Variants in RBP5 observed in about 807,000 individuals in gnomAD.
RBP5 encodes retinol binding protein 5, also known as retinol-binding protein 5.
In RBP5, 12 loss-of-function variants were observed where a neutral mutation model predicts 17.8. The observed-to-expected ratio is 0.67, with a 90% CI of 0.43 to 1.09. The LOEUF (loss-of-function observed/expected upper bound fraction) is 1.09. RBP5 is among the 50% of genes least tolerant of loss of function. RBP5 has a pLI of 0.00. For synonymous variants in RBP5, 64 were observed against 68.1 expected (o/e 0.94, Z 0.30); for missense variants, 172 against 169.4 (o/e 1.02, Z -0.09).
At position 7,128,457 on chromosome 12, in the gene RBP5, G is replaced by A. The variant is rs746987373; in HGVS notation, c.74-39C>T. On this transcript the variant is annotated intron_variant, in intron 1 of 3. Coordinates refer to ENST00000266560, the MANE Select transcript of RBP5 (RefSeq NM_031491.4). The surrounding 1 kb of genome is among the most constrained non-coding windows in gnomAD (Gnocchi z 5.3). ...CTGTTAGTAGGGGTGCTGCTAGCCA[G>A]CCAGGAGCTCCTCTGCCTGCAGCAG... 1.5e-4 allele frequency: 245 copies of A among 1,602,518 alleles called. No homozygotes were observed. The highest frequency in any genetic ancestry group is 2.1e-4 in the Non-Finnish European group (241 of 1,171,438).
upstream of RBP5, chr12:7,128,923 C>A: frequency 1.4e-6 from 1 of 690,740 alleles, no homozygotes; most frequent in South Asian, 1.6e-5. This position sits in a 1 kb window ranked among gnomAD's most constrained non-coding sequence, Gnocchi z 5.3. Flanking sequence ...TTTTATAAGG[C>A]TGGGGCCCTG....
chr12:7,126,555 G>C (rs1275031079), intron 2 of RBP5, among the ~76,000 whole-genome samples: 2 of 149,890 alleles, frequency 1.3e-5, no homozygotes, highest in Non-Finnish European at 3.0e-5. Context: ...GTGTGTGTGT[G>C]TGTGCTGGGA....
At chr12:7,125,702 C>T (rs934638732) in intron 2 of RBP5, among the ~76,000 whole-genome samples, 18 of 152,198 alleles carry the variant, frequency 1.2e-4, no homozygotes, top group African/African-American at 4.3e-4. Flanking sequence ...AAAGAAACAG[C>T]TAGAAATAGC....
Position 7,128,477 on chromosome 12 carries a change from C to T in RBP5, c.74-59G>A. On this transcript the variant is annotated intron_variant, in intron 1 of 3. Transcript: ENST00000266560. This position sits in a 1 kb window ranked among gnomAD's most constrained non-coding sequence, Gnocchi z 5.3. ...AGCCAGCCAGGAGCTCCTCTGCCTG[C>T]AGCAGCCCCTCAGGGCTGTGAGTTT... The T allele has an allele frequency of 6.4e-7, 1 of 1,554,186 alleles. No homozygotes were observed. Among genetic ancestry groups the T allele is most frequent in the Non-Finnish European group, 8.9e-7 (1 of 1,129,896 alleles).
intron 2 of RBP5, among the ~76,000 whole-genome samples, chr12:7,126,847 C>T (rs1013791062): frequency 1.3e-5 from 2 of 152,100 alleles, no homozygotes; most frequent in Non-Finnish European, 1.5e-5. Context: ...GCTCTGTCAC[C>T]CAGACTAGAA....
intron 2 of RBP5, chr12:7,127,717 A>G (rs1446683440): frequency 1.4e-6 from 1 of 702,192 alleles, no homozygotes; most frequent in Non-Finnish European, 2.6e-6. Context: ...GGCAGCCTAT[A>G]GATGGAAGCA....
rs914439734 is a variant in RBP5, at chr12:7,124,178, G to C, written c.355-4C>G. ...CTGCATCCCTTGCAGTCAGTTCCTGGGGAGAGAGGGGAAGTGAGGGGGAGA... is the reference window on the plus strand; with the variant it reads ...CTGCATCCCTTGCAGTCAGTTCCTGCGGAGAGAGGGGAAGTGAGGGGGAGA... On this transcript the variant is annotated splice_region_variant and splice_polypyrimidine_tract_variant and intron_variant, in intron 3 of 3. Coordinates refer to ENST00000266560, the MANE Select transcript of RBP5 (RefSeq NM_031491.4). This position sits in a 1 kb window ranked among gnomAD's most constrained non-coding sequence, Gnocchi z 5.3. 3 of 1,613,904 alleles carry C rather than the reference G, an allele frequency of 1.9e-6. No individual in the cohort carries two copies. The highest frequency in any genetic ancestry group is 2.5e-6 in the Non-Finnish European group (3 of 1,179,988).
At chr12:7,129,745 G>T, upstream of RBP5, 5 of 985,624 alleles carry the variant, frequency 5.1e-6, no homozygotes, top group Non-Finnish European at 6.0e-6. The surrounding 1 kb of genome is among the most constrained non-coding windows in gnomAD (Gnocchi z 5.5). Flanking sequence ...AATCCACTGG[G>T]CTTGGTTCAT....
rs1013107287 is a variant in RBP5 at position 7,124,014 on chromosome 12, T to C, written c.*107A>G. 3 of 1,038,738 alleles carry C rather than the reference T, an allele frequency of 2.9e-6. No individual in the cohort carries two copies. The highest frequency in any genetic ancestry group is 4.5e-6 in the Non-Finnish European group (3 of 659,952). The allele number at this position is 1,038,738 out of a possible 1,614,324, so 64.3% of individuals were successfully genotyped here. A position where few individuals can be genotyped will look rare whatever the true frequency, so the allele number is the denominator to read the frequency against. On this transcript the variant is annotated 3_prime_UTR_variant, in exon 4 of 4. Transcript: ENST00000266560. The surrounding 1 kb of genome is among the most constrained non-coding windows in gnomAD (Gnocchi z 5.3). ...AGGAGGGACCCAGAGGGAGGAAAGG[T>C]GGCCAGAGGAAGGGACAGCTGACCT...
rs1247457633 is a variant in RBP5 at position 7,124,930 on chromosome 12, A to G, written c.253-200T>C. On this transcript the variant is annotated intron_variant, in intron 2 of 3. Transcript: ENST00000266560. The surrounding 1 kb of genome is among the most constrained non-coding windows in gnomAD (Gnocchi z 5.3). ...TTTGTTTTTTGTGTTTTTTTGAGAC[A>G]AGTTCTTGCTCTGTCACCCAGGCTG... 6.6e-6 allele frequency among the ~76,000 whole-genome samples: 1 copy of G among 152,032 alleles called. No homozygotes were observed. The highest frequency in any genetic ancestry group is 2.4e-5 in the African/African-American group (1 of 41,388).
At chr12:7,129,753 C>T (rs1939242664), upstream of RBP5, 23 of 985,614 alleles carry the variant, frequency 2.3e-5, no homozygotes, top group Non-Finnish European at 2.8e-5. This position sits in a 1 kb window ranked among gnomAD's most constrained non-coding sequence, Gnocchi z 5.5. Flanking sequence ...GGGCTTGGTT[C>T]ATCATGGTTT....
chr12:7,125,227 G>A (rs754408757), intron 2 of RBP5, among the ~76,000 whole-genome samples: 162 of 152,218 alleles, frequency 1.1e-3, no homozygotes, highest in African/African-American at 3.7e-3. Flanking sequence ...AAAGGTCACC[G>A]AGGGGGGCCC....
Position 7,124,237 on chromosome 12 carries a change from T to C in RBP5, c.355-63A>G. On this transcript the variant is annotated intron_variant, in intron 3 of 3. Transcript: ENST00000266560. This position sits in a 1 kb window ranked among gnomAD's most constrained non-coding sequence, Gnocchi z 5.3. ...GGGCGTTTGCCAGCCAGAGCCCCTTTCTCAAGGTCCTTGACCTCCATTTAC... is the reference window on the plus strand; with the variant it reads ...GGGCGTTTGCCAGCCAGAGCCCCTTCCTCAAGGTCCTTGACCTCCATTTAC... 6.6e-7 allele frequency: 1 copy of C among 1,511,350 alleles called. No homozygotes were observed. Among genetic ancestry groups the C allele is most frequent in the Non-Finnish European group, 9.2e-7 (1 of 1,087,876 alleles). 93.6% of individuals were successfully genotyped at this position (1,511,350 alleles called of 1,614,324 possible). A position where few individuals can be genotyped will look rare whatever the true frequency, so the allele number is the denominator to read the frequency against.
At chr12:7,121,475 G>A (rs762513737), downstream of RBP5, among the ~76,000 whole-genome samples, 3 of 152,320 alleles carry the variant, frequency 2.0e-5, no homozygotes, top group South Asian at 2.1e-4. Flanking sequence ...GCACGTAGGC[G>A]TCAGGGTCAT....
chr12:7,128,563 G>A lies in RBP5; in HGVS notation c.73+140C>T. ...TCCTACCAATGCCTGGTTAGAAATG[G>A]ATCCCAGGTCTGGTGCCAGCCGCCT... is the stretch of plus-strand genomic sequence containing the variant. On this transcript the variant is annotated intron_variant, in intron 1 of 3. Transcript: ENST00000266560. The surrounding 1 kb of genome is among the most constrained non-coding windows in gnomAD (Gnocchi z 5.3). 1 of 1,183,414 alleles carries A rather than the reference G, an allele frequency of 8.5e-7. No homozygotes were observed. The highest frequency in any genetic ancestry group is 1.2e-6 in the Non-Finnish European group (1 of 816,896). 73.3% of individuals were successfully genotyped at this position (1,183,414 alleles called of 1,614,324 possible).
At chr12:7,127,375 C>A (rs1055796614) in intron 2 of RBP5, 13 of 306,720 alleles carry the variant, frequency 4.2e-5, no homozygotes, top group Non-Finnish European at 6.8e-5. Flanking sequence ...AGTGATCTGC[C>A]TGCCTCAGCC....
At chr12:7,116,919 C>T (rs775046136) in exon 4 of RBP5, 30 of 152,304 alleles carry the variant, frequency 2.0e-4, no homozygotes, top group African/African-American at 7.0e-4. Context: ...AAAGTCACCC[C>T]CACATTTTGT....
At position 7,128,632 on chromosome 12, in the gene RBP5, A is replaced by G; in HGVS notation, c.73+71T>C. On this transcript the variant is annotated intron_variant, in intron 1 of 3. Transcript: ENST00000266560. The surrounding 1 kb of genome is among the most constrained non-coding windows in gnomAD (Gnocchi z 5.3). ...CAACCCCGGGCATTCCCTCTTCTCC[A>G]TGGGACCAAGAAGCAGGAAGGAAGA... 2 of 1,409,346 alleles carry G rather than the reference A, an allele frequency of 1.4e-6. No individual in the cohort carries two copies. Among genetic ancestry groups the G allele is most frequent in the Non-Finnish European group, 2.0e-6 (2 of 1,017,264 alleles). 87.3% of individuals were successfully genotyped at this position (1,409,346 alleles called of 1,614,324 possible). A position where few individuals can be genotyped will look rare whatever the true frequency, so the allele number is the denominator to read the frequency against.
chr12:7,118,575 G>A (rs1283714603), intron 3 of RBP5: 1 of 152,234 alleles, frequency 6.6e-6, no homozygotes, highest in Non-Finnish European at 1.5e-5. Context: ...GAGGCCACAC[G>A]ACAATAGGCA....
Sources: allele counts gnomAD v4.1 joint callset (sites outside exome capture counted in the v4.1 genomes callset), GRCh38; gene constraint gnomAD v4.1.1; non-coding constraint Gnocchi (gnomAD v3.1); transcripts MANE v1.5; gene names NCBI Gene and HGNC (gene_info 2026-07-23, HGNC 2026-07-21).